The following ARPP21 variants were observed in gnomAD, a reference collection of about 807,000 sequenced individuals.
ARPP21 encodes cAMP-regulated phosphoprotein 21.
In ARPP21, 69 loss-of-function variants were observed where a neutral mutation model predicts 113.2. That is an observed-to-expected ratio of 0.61 (90% CI 0.50 to 0.74). The LOEUF (loss-of-function observed/expected upper bound fraction) is 0.74, where lower values mean the gene tolerates loss of function less well. ARPP21 is among the 30% of genes least tolerant of loss of function. The pLI, the probability that ARPP21 is intolerant of heterozygous loss-of-function variation, is 0.00. For missense variants in ARPP21, 1,070 were observed against 1,037.4 expected, an observed-to-expected ratio of 1.03 and a Z score of -0.43; for synonymous variants, 368 against 375.5, an observed-to-expected ratio of 0.98 and a Z score of 0.23.
At chr3:35,703,886 T>G (rs6550358) in intron 9 of ARPP21, among the ~76,000 whole-genome samples, 116,284 of 151,642 alleles carry the variant, frequency 0.77, 45,219 homozygotes, top group African/African-American at 0.88. Flanking sequence ...TAAATTAACT[T>G]TGAAAGGGAG....
intron 19 of ARPP21, among the ~76,000 whole-genome samples, chr3:35,758,059 C>A (rs1289908921): frequency 6.6e-6 from 1 of 152,000 alleles, no homozygotes; most frequent in Non-Finnish European, 1.5e-5. Context: ...TTTAAAAATT[C>A]TATTTATAAT....
rs564232704 is a variant in ARPP21, at chr3:35,738,336, T to C, written c.1749+18T>C. 5.3e-6 allele frequency: 8 copies of C among 1,502,448 alleles called. No individual in the cohort carries two copies. Among genetic ancestry groups the C allele is most frequent in the Admixed American group, 3.9e-5 (2 of 50,826 alleles). The allele number at this position is 1,502,448 out of a possible 1,614,324, so 93.1% of individuals were successfully genotyped here. On this transcript the variant is annotated intron_variant, in intron 17 of 20. Transcript: ENST00000684406. ...TTCCCATGGTACTGTATTATGTGTA[T>C]ATGACTTTTTCCCCTAGGAAAGCAT... is the stretch of plus-strand genomic sequence containing the variant.
chr3:35,676,219 G>A (rs2077443940), intron 1 of ARPP21, among the ~76,000 whole-genome samples: 1 of 151,994 alleles, frequency 6.6e-6, no homozygotes, highest in South Asian at 2.1e-4. Context: ...ACTTTCCTTA[G>A]TTTTAATGGC....
rs1225418972 is a variant in ARPP21 at position 35,667,917 on chromosome 3, G to GA, written c.-212-11869dup. On this transcript the variant is annotated intron_variant, in intron 1 of 20. Coordinates refer to ENST00000684406, the MANE Select transcript of ARPP21 (RefSeq NM_001385562.1). ...GAAGAGGAAGAGGAAGAGGAAGGAG[G>GA]AGGAGGAGGAGGAGGAGAAGGAGAA... Among the ~76,000 whole-genome samples the GA allele has an allele frequency of 3.4e-3, 349 of 103,684 alleles. 11 individuals carry two copies. The highest frequency in any genetic ancestry group is 0.012 in the Middle Eastern group (2 of 162). 68.0% of individuals were successfully genotyped at this position (103,684 alleles called of 152,430 possible).
rs568610839 is a variant in ARPP21, at chr3:35,732,088, T to C, written c.1459+2552T>C. Among the ~76,000 whole-genome samples the C allele has an allele frequency of 7.9e-5, 12 of 152,316 alleles. No homozygotes were observed. The South Asian group carries it at 1.7e-3, about 21-fold the overall frequency. ...TGTGGGATGGATAATGGAGCAGTTT[T>C]TCAGCTAATGTCATATATTTGGAAT... On this transcript the variant is annotated intron_variant, in intron 15 of 20. Transcript: ENST00000684406.
intron 19 of ARPP21, 84 bp downstream of exon 19, chr3:35,744,049 C>A: frequency 6.9e-7 from 1 of 1,455,186 alleles, no homozygotes; most frequent in Non-Finnish European, 9.6e-7. Context: ...AGTGTCCAAG[C>A]TTGGCAATTT....
At chr3:35,776,135 A>G (rs935901821) in intron 19 of ARPP21, among the ~76,000 whole-genome samples, 1 of 152,204 alleles carries the variant, frequency 6.6e-6, no homozygotes, top group Non-Finnish European at 1.5e-5. Flanking sequence ...AAATGGGGAA[A>G]AGTAAAATTG....
At chr3:35,754,054 C>T (rs1327515073) in intron 19 of ARPP21, among the ~76,000 whole-genome samples, 1 of 145,998 alleles carries the variant, frequency 6.8e-6, no homozygotes, top group Non-Finnish European at 1.5e-5. Context: ...TTGGGGTTGG[C>T]TGGAGATGGG....
intron 5 of ARPP21, chr3:35,685,253 A>G (rs1302103790): frequency 2.0e-6 from 2 of 985,152 alleles, no homozygotes; most frequent in African/African-American, 3.5e-5. Context: ...GTGTATCCAT[A>G]CAATTGGTGC....
intron 20 of ARPP21, 55 bp downstream of exon 20, chr3:35,792,585 G>T: frequency 6.4e-7 from 1 of 1,559,908 alleles, no homozygotes; most frequent in Non-Finnish European, 8.8e-7. Context: ...TTGCCAAAGT[G>T]GAAGCTGTGG....
At chr3:35,640,491 T>G (rs1402102686) in intron 1 of ARPP21, 93 bp downstream of exon 1, 1 of 152,220 alleles carries the variant, frequency 6.6e-6, no homozygotes. Flanking sequence ...TGTCTGTTTC[T>G]TTTGAATTTT....
chr3:35,757,568 A>G (rs2095617619), intron 19 of ARPP21, among the ~76,000 whole-genome samples: 1 of 152,132 alleles, frequency 6.6e-6, no homozygotes, highest in South Asian at 2.1e-4. Flanking sequence ...GAAAGAGAAG[A>G]CAATCCAAGT....
chr3:35,792,174 CA>C, intron 19 of ARPP21: 1 of 558,720 alleles, frequency 1.8e-6, no homozygotes, highest in South Asian at 2.4e-5. Flanking sequence ...ATAGAAATGT[CA>C]GTGAATTTTT....
chr3:35,721,906 C>A, intron 14 of ARPP21, 72 bp downstream of exon 14: 1 of 922,454 alleles, frequency 1.1e-6, no homozygotes, highest in Non-Finnish European at 1.6e-6. Context: ...GGTCACCATT[C>A]CCTCTGACTT....
chr3:35,677,615 T>TA (rs36053158), intron 1 of ARPP21, among the ~76,000 whole-genome samples: 1 of 151,922 alleles, frequency 6.6e-6, no homozygotes, highest in Non-Finnish European at 1.5e-5. Flanking sequence ...GTATTTCCAC[T>TA]AAAAAAAGAT....
intron 5 of ARPP21, 55 bp downstream of exon 5, chr3:35,683,870 C>T: frequency 1.0e-6 from 1 of 959,624 alleles, no homozygotes; most frequent in Non-Finnish European, 1.7e-6. Flanking sequence ...CCTTTGTGTG[C>T]ATGACTCTTA....
rs1559493034 is a variant in ARPP21 at position 35,640,004 on chromosome 3, A to T, written c.-607A>T. 1 of 152,276 alleles carries T rather than the reference A, an allele frequency of 6.6e-6. No individual in the cohort carries two copies. The highest frequency in any genetic ancestry group is 2.4e-5 in the African/African-American group (1 of 41,440). The allele number at this position is 152,276 out of a possible 1,614,324, so 9.4% of individuals were successfully genotyped here. On this transcript the variant is annotated 5_prime_UTR_variant, in exon 1 of 21. Coordinates refer to ENST00000684406, the MANE Select transcript of ARPP21 (RefSeq NM_001385562.1). ...GCAGACGGACAGAAGAGCAGACAGG[A>T]GGCGGGGGCGCGTTCACTCCCGGCG...
chr3:35,764,497 T>C (rs1243619707), intron 19 of ARPP21, among the ~76,000 whole-genome samples: 1 of 152,122 alleles, frequency 6.6e-6, no homozygotes, highest in Non-Finnish European at 1.5e-5. Context: ...GGCTTCTGAG[T>C]TAAATTTGGA....
chr3:35,744,399 G>A (rs990700638), intron 19 of ARPP21: 22 of 465,026 alleles, frequency 4.7e-5, no homozygotes, highest in East Asian at 1.9e-4. Context: ...ACAATCCAGC[G>A]TGTCTCGGTG....
Sources: allele counts gnomAD v4.1 joint callset (sites outside exome capture counted in the v4.1 genomes callset), GRCh38; gene constraint gnomAD v4.1.1; transcripts MANE v1.5; gene names NCBI Gene and HGNC (gene_info 2026-07-23, HGNC 2026-07-21).